PTPRT: variants seen among roughly 807,000 people sequenced by gnomAD.
PTPRT encodes protein tyrosine phosphatase receptor type T.
In PTPRT, 56 loss-of-function variants were observed where a neutral mutation model predicts 176.8. That is an observed-to-expected ratio of 0.32 (90% CI 0.26 to 0.40). The LOEUF (loss-of-function observed/expected upper bound fraction) is 0.40, where lower values mean the gene tolerates loss of function less well. PTPRT is among the 10% of genes least tolerant of loss of function. The pLI is 1.00. For missense variants in PTPRT, 1,540 were observed against 1,908.2 expected, an observed-to-expected ratio of 0.81 and a Z score of 3.60; for synonymous variants, 783 against 739.0, an observed-to-expected ratio of 1.06 and a Z score of -0.96.
At chr20:42,903,855 G>T (rs957292186) in intron 1 of PTPRT, among the ~76,000 whole-genome samples, 1 of 152,170 alleles carries the variant, frequency 6.6e-6, no homozygotes, top group African/African-American at 2.4e-5. Context: ...AGCTGAACTA[G>T]CACGTCACCC....
intron 1 of PTPRT, among the ~76,000 whole-genome samples, chr20:42,930,875 A>G (rs1979804787): frequency 6.6e-6 from 1 of 152,168 alleles, no homozygotes; most frequent in Non-Finnish European, 1.5e-5. Context: ...AGCAAGATAC[A>G]GCTGCCAAAT....
intron 7 of PTPRT, among the ~76,000 whole-genome samples, chr20:42,593,605 C>G (rs1261812472): frequency 1.3e-5 from 2 of 152,130 alleles, no homozygotes; most frequent in Non-Finnish European, 2.9e-5. Context: ...ACCTTAAACT[C>G]TCATCGAAGA....
intron 1 of PTPRT, among the ~76,000 whole-genome samples, chr20:43,000,799 G>A (rs532515215): frequency 6.6e-6 from 1 of 152,172 alleles, no homozygotes; most frequent in Non-Finnish European, 1.5e-5. Flanking sequence ...TCAGTGATAC[G>A]ACAGAAGAAA....
At chr20:43,018,075 A>G (rs1985458721) in intron 1 of PTPRT, among the ~76,000 whole-genome samples, 1 of 152,206 alleles carries the variant, frequency 6.6e-6, no homozygotes, top group African/African-American at 2.4e-5. Flanking sequence ...CTGCAACTGA[A>G]GGAACTGCAG....
chr20:42,273,901 C>T (rs1056389305), intron 13 of PTPRT, among the ~76,000 whole-genome samples: 13 of 152,230 alleles, frequency 8.5e-5, no homozygotes, highest in Non-Finnish European at 1.8e-4. Flanking sequence ...CCACTCCATC[C>T]TCTAGGTCTG....
chr20:42,098,634 A>G, intron 26 of PTPRT, 82 bp from the exon 27 acceptor site: 2 of 1,548,242 alleles, frequency 1.3e-6, no homozygotes, highest in South Asian at 2.4e-5. Flanking sequence ...GACTGAGGCC[A>G]GAGGCTCCAG....
chr20:42,910,999 T>A (rs959667654), intron 1 of PTPRT, among the ~76,000 whole-genome samples: 2 of 151,970 alleles, frequency 1.3e-5, no homozygotes, highest in African/African-American at 4.8e-5. Flanking sequence ...AACCATCAGA[T>A]CTCGTGAGAA....
At chr20:42,995,112 G>A (rs1225697033) in intron 1 of PTPRT, among the ~76,000 whole-genome samples, 2 of 152,218 alleles carry the variant, frequency 1.3e-5, no homozygotes, top group Non-Finnish European at 1.5e-5. Context: ...ATTGGCTGAT[G>A]AGAATTCCTT....
chr20:42,883,720 A>ACACTCATATGCT (rs1555800198), intron 2 of PTPRT, among the ~76,000 whole-genome samples: 23 of 3,492 alleles, frequency 6.6e-3, no homozygotes, highest in South Asian at 0.027. Flanking sequence ...ATACACACAC[A>ACACTCATATGCT]CCCATACACC....
intron 1 of PTPRT, among the ~76,000 whole-genome samples, chr20:43,100,914 T>C (rs2012371275): frequency 6.6e-6 from 1 of 151,924 alleles, no homozygotes; most frequent in Non-Finnish European, 1.5e-5. Context: ...TGGGATGGCA[T>C]TAATAGTAGC....
chr20:42,695,395 T>C (rs1282801315), intron 6 of PTPRT, among the ~76,000 whole-genome samples: 1 of 152,224 alleles, frequency 6.6e-6, no homozygotes, highest in African/African-American at 2.4e-5. Context: ...AACACACAAC[T>C]ACGCTTGATT....
intron 6 of PTPRT, among the ~76,000 whole-genome samples, chr20:42,736,684 G>C (rs1445654840): frequency 6.6e-6 from 1 of 151,470 alleles, no homozygotes; most frequent in African/African-American, 2.5e-5. Flanking sequence ...ACTATGGCTG[G>C]AGAGAGACTA....
At chr20:43,164,787 T>C (rs963771160) in intron 1 of PTPRT, among the ~76,000 whole-genome samples, 37 of 152,242 alleles carry the variant, frequency 2.4e-4, no homozygotes, top group African/African-American at 8.7e-4. Flanking sequence ...ATGTTGAAAT[T>C]TGAATTTCAT....
intron 8 of PTPRT, among the ~76,000 whole-genome samples, chr20:42,460,281 ACTAT>A (rs761482440): frequency 7.9e-5 from 12 of 152,352 alleles, no homozygotes; most frequent in Non-Finnish European, 1.6e-4. Flanking sequence ...GGGTCAGCAA[ACTAT>A]GGCTCTTGGG....
intron 6 of PTPRT, among the ~76,000 whole-genome samples, chr20:42,718,441 G>A (rs2076258299): frequency 6.6e-6 from 1 of 152,200 alleles, no homozygotes; most frequent in South Asian, 2.1e-4. Context: ...GGAGGCTGAG[G>A]CAGGGGAATG....
At chr20:42,132,090 G>GCCTAATACAGTGT (rs1328511747) in intron 18 of PTPRT, among the ~76,000 whole-genome samples, 1 of 152,216 alleles carries the variant, frequency 6.6e-6, no homozygotes. Flanking sequence ...CTGCAGGGCA[G>GCCTAATACAGTGT]CCTAATACAG....
chr20:42,457,939 C>G (rs1444291257), intron 8 of PTPRT, among the ~76,000 whole-genome samples: 2 of 152,116 alleles, frequency 1.3e-5, no homozygotes, highest in African/African-American at 4.8e-5. Flanking sequence ...ATAAAGATGA[C>G]CAGGGCACTG....
chr20:43,161,018 T>C (rs1044153087), intron 1 of PTPRT, among the ~76,000 whole-genome samples: 1 of 152,072 alleles, frequency 6.6e-6, no homozygotes, highest in African/African-American at 2.4e-5. Context: ...CCTTCCGAAG[T>C]GCTGGGATTA....
intron 13 of PTPRT, among the ~76,000 whole-genome samples, chr20:42,264,106 T>C (rs964542242): frequency 6.6e-5 from 10 of 152,112 alleles, no homozygotes; most frequent in African/African-American, 2.2e-4. Context: ...TTAATGGCAG[T>C]TTGAATGGAA....
Sources: gnomAD v4.1 joint callset for allele counts (sites outside exome capture counted in the v4.1 genomes callset) on GRCh38, gnomAD v4.1.1 for gene constraint, MANE v1.5 for transcripts, NCBI Gene and HGNC (gene_info 2026-07-23, HGNC 2026-07-21) for gene names.